Variants in PCNX3 observed in about 807,000 individuals in gnomAD.
PCNX3 encodes pecanex 3.
In PCNX3, 58 loss-of-function variants were observed where a neutral mutation model predicts 207.2. That is an observed-to-expected ratio of 0.28 (90% confidence interval 0.23 to 0.35). The LOEUF (loss-of-function observed/expected upper bound fraction) is 0.35. Among genes scored for constraint, PCNX3 ranks in the 10% least tolerant of loss-of-function variants. The pLI is 1.00. For synonymous variants in PCNX3, 1,337 were observed against 1,183.5 expected (o/e 1.13, Z -2.66); for missense variants, 2,410 against 2,774.4 (o/e 0.87, Z 2.95).
chr11:65,622,894 G>A (rs1331246344), intron 11 of PCNX3, among the ~76,000 whole-genome samples: 3 of 152,088 alleles, frequency 2.0e-5, no homozygotes, highest in Non-Finnish European at 4.4e-5. Flanking sequence ...GAGCTACCGC[G>A]CCCGGCCATC....
intron 22 of PCNX3, among the ~76,000 whole-genome samples, chr11:65,628,047 A>G (rs1281574168): frequency 6.6e-6 from 1 of 152,110 alleles, no homozygotes; most frequent in African/African-American, 2.4e-5. Flanking sequence ...TGAACTAAGG[A>G]ACCATGCTCC....
intron 5 of PCNX3, 67 bp downstream of exon 5, chr11:65,617,773 A>G: frequency 6.5e-7 from 1 of 1,527,230 alleles, no homozygotes; most frequent in Admixed American, 2.0e-5. Flanking sequence ...AATCCCCTCA[A>G]CTTTGGCTCC....
intron 20 of PCNX3, chr11:65,626,565 G>A (rs1855401753): frequency 2.3e-6 from 1 of 440,418 alleles, no homozygotes; most frequent in Non-Finnish European, 4.2e-6. Flanking sequence ...CTGAACCGAG[G>A]GGTCTGCCCT....
Position 65,629,699 on chromosome 11 carries a change from C to T in PCNX3, c.4180C>T (p.Leu1394Phe), listed in dbSNP as rs376857885. 6.6e-5 allele frequency: 102 copies of T among 1,556,370 alleles called. No individual in the cohort carries two copies. Among genetic ancestry groups the T allele is most frequent in the Non-Finnish European group, 8.9e-5 (102 of 1,150,420 alleles). Residue 1394 changes from leucine (L) to phenylalanine (F), a missense_variant, in exon 26 of 35, where the codon CTC (leucine) becomes TTC (phenylalanine). Coordinates refer to ENST00000355703, the MANE Select transcript of PCNX3 (RefSeq NM_032223.4). ...GCACCTCATCGAGGTTGGCAATGGC[C>T]TCGTCACCTTCCAGCTGCGTGGCCT... ...LVHLIEVGNG[L>F]VTFQLRGLEF...
At chr11:65,633,882 C>T (rs903840318) in intron 27 of PCNX3, among the ~76,000 whole-genome samples, 10 of 152,254 alleles carry the variant, frequency 6.6e-5, no homozygotes, top group Non-Finnish European at 1.2e-4. Context: ...TGAGTGCTAG[C>T]CCCAGCACAG....
In PCNX3 at chr11:65,623,520, G is replaced by A; in HGVS notation, c.2387G>A (p.Gly796Asp). 1 of 1,613,052 alleles carries A rather than the reference G, an allele frequency of 6.2e-7. No individual in the cohort carries two copies. Among genetic ancestry groups the A allele is most frequent in the Non-Finnish European group, 8.5e-7 (1 of 1,179,314 alleles). The change falls in exon 12 of 35, where the codon GGC becomes GAC. Residue 796 changes from glycine (G) to aspartate (D), a missense_variant. By Grantham distance (94) the Gly-to-Asp change is moderately conservative. Around this residue, in one of 8 missense-constraint regions of PCNX3, gnomAD observed 177 missense variants for 257.5 expected, o/e 0.69. Transcript: ENST00000355703. ...RTRGVLENIF[G>D]VGLSSLVAFL... ...CGGGGAGTGCTGGAGAACATCTTCG[G>A]CGTGGGCCTGAGCAGCCTTGTGGCC...
chr11:65,617,384 C>G (rs764397155), intron 3 of PCNX3, 35 bp downstream of exon 3: 4 of 1,613,226 alleles, frequency 2.5e-6, no homozygotes, highest in Non-Finnish European at 2.5e-6. Context: ...GTCCTCCTGT[C>G]CCTCTGCGAG....
chr11:65,634,856 CA>C (rs1407907769), intron 29 of PCNX3, 116 bp from the exon 30 acceptor site: 1 of 1,395,368 alleles, frequency 7.2e-7, no homozygotes, highest in African/African-American at 1.4e-5. Context: ...GCCTCTTTGT[CA>C]AGATGGGGAA....
rs375915222 is a variant in PCNX3, at chr11:65,628,723, G to A, written c.3811+20G>A. On this transcript the variant is annotated intron_variant, in intron 23 of 34. Transcript: ENST00000355703. ...TGCCACGTATCCAGCCTGTGTTTGG[G>A]TGGGGGTGTGCAGGGAGGGCTGTGG... 1.2e-6 allele frequency: 2 copies of A among 1,611,134 alleles called. No homozygotes were observed. Among genetic ancestry groups the A allele is most frequent in the Non-Finnish European group, 1.7e-6 (2 of 1,179,548 alleles).
chr11:65,635,874 CAG>C lies in PCNX3; in HGVS notation c.5459+74_5459+75del. On this transcript the variant is annotated intron_variant, in intron 32 of 34. Transcript: ENST00000355703. The surrounding 1 kb of genome is among the most constrained non-coding windows in gnomAD (Gnocchi z 9.9). ...GGTGCAGTACGTCCCTCCTGGGTCT[CAG>C]AGGGAGGACGTGCTGGAGCCAGGGC... 5 of 1,503,334 alleles carry C rather than the reference CAG, an allele frequency of 3.3e-6. No homozygotes were observed. Among genetic ancestry groups the C allele is most frequent in the Non-Finnish European group, 4.4e-6 (5 of 1,123,864 alleles). 93.1% of individuals were successfully genotyped at this position (1,503,334 alleles called of 1,614,324 possible). A position where few individuals can be genotyped will look rare whatever the true frequency, so the allele number is the denominator to read the frequency against.
In PCNX3 at chr11:65,617,708, T is replaced by C. The variant is rs754244725; in HGVS notation, c.577+2T>C. The stretch of plus-strand genomic sequence containing the variant: ...AGCTCAGCTCGCAGGAGAAACTGAG[T>C]GCGTGGGCCTTATGGGGCCGAGGCT... On this transcript the variant is annotated splice_donor_variant, in intron 5 of 34. Coordinates refer to ENST00000355703, the MANE Select transcript of PCNX3 (RefSeq NM_032223.4). LOFTEE classifies it high-confidence loss of function. The C allele has an allele frequency of 1.2e-5, 18 of 1,559,120 alleles. No homozygotes were observed. The highest frequency in any genetic ancestry group is 1.5e-5 in the Non-Finnish European group (17 of 1,151,914).
In PCNX3 at chr11:65,628,858, T is replaced by C; in HGVS notation, c.3851T>C (p.Leu1284Pro). 6.2e-7 allele frequency: 1 copy of C among 1,612,606 alleles called. No individual in the cohort carries two copies. The highest frequency in any genetic ancestry group is 2.2e-5 in the East Asian group (1 of 44,882). Residue 1284 changes from leucine to proline, a missense_variant, in exon 24 of 35, where the codon CTC (leucine) becomes CCC (proline). Coordinates refer to ENST00000355703, the MANE Select transcript of PCNX3 (RefSeq NM_032223.4). ...MLFVQALLSG[L>P]FSTPLNPLLG... ...TTCGTCCAGGCCCTGCTCTCGGGGC[T>C]CTTCTCCACGCCTCTCAACCCACTG...
chr11:65,619,555 G>A lies in PCNX3; in HGVS notation c.1724G>A (p.Arg575Lys). The change falls in exon 7 of 35, where the codon AGG becomes AAG. Residue 575 changes from arginine to lysine, a missense_variant. This residue lies in a region of PCNX3 where 1,104 missense variants were observed against 970.3 expected (regional missense o/e 1.14). Transcript: ENST00000355703. ...TGGGCAGCGGCCGAGGAGACTGGCAGGCGGGACCGCTCAAGCAGTGTGAGG... is the reference window on the plus strand; with the variant it reads ...TGGGCAGCGGCCGAGGAGACTGGCAAGCGGGACCGCTCAAGCAGTGTGAGG... ...AVGGAAEETGRRDRSSSVRRT... is the reference protein window; with the variant it reads ...AVGGAAEETGKRDRSSSVRRT... 5 of 1,610,822 alleles carry A rather than the reference G, an allele frequency of 3.1e-6. No individual in the cohort carries two copies. Among genetic ancestry groups the A allele is most frequent in the Non-Finnish European group, 4.2e-6 (5 of 1,179,578 alleles).
intron 27 of PCNX3, among the ~76,000 whole-genome samples, chr11:65,631,141 T>A (rs1002150288): frequency 2.0e-5 from 3 of 152,148 alleles, no homozygotes; most frequent in African/African-American, 7.2e-5. Context: ...GAACCCAGGC[T>A]GGCCCTGAGC....
intron 23 of PCNX3, 21 bp from the exon 24 acceptor site, chr11:65,628,798 G>T: frequency 1.2e-6 from 2 of 1,609,600 alleles, no homozygotes. Flanking sequence ...GTTGCCCGCC[G>T]CCTCCTTGAC....
chr11:65,624,053 C>A, intron 13 of PCNX3, 92 bp downstream of exon 13: 2 of 1,580,662 alleles, frequency 1.3e-6, no homozygotes, highest in Non-Finnish European at 1.7e-6. Context: ...AGGGCTGGGG[C>A]TCCCTCACCA....
At position 65,618,211 on chromosome 11, in the gene PCNX3, C is replaced by G. The variant is rs538324944; in HGVS notation, c.849C>G (p.Asp283Glu). Reference sequence around the variant, plus strand: ...GGGCAGGTGGCTATCAGCCCCTTGACCGGCGGGGCTCAGGGGAGCCCACGC... The same window carrying G: ...GGGCAGGTGGCTATCAGCCCCTTGAGCGGCGGGGCTCAGGGGAGCCCACGC... The part of the protein sequence containing the change: ...RRGAGGYQPL[D>E]RRGSGEPTPQ... The change falls in exon 6 of 35, where the codon GAC becomes GAG. Residue 283 changes from aspartate to glutamate, a missense_variant. Physicochemically the swap from Asp to Glu is conservative, Grantham distance 45. Transcript: ENST00000355703. 19 of 1,602,828 alleles carry G rather than the reference C, an allele frequency of 1.2e-5. No homozygotes were observed. The South Asian group carries it at 1.8e-4, about 15-fold the overall frequency.
At chr11:65,628,565 CT>C (rs1291701991) in intron 22 of PCNX3, 29 bp from the exon 23 acceptor site, 6 of 1,604,564 alleles carry the variant, frequency 3.7e-6, no homozygotes, top group Non-Finnish European at 2.6e-6. Context: ...CCCTGCATGT[CT>C]TTTTTCTTCT....
intron 11 of PCNX3, among the ~76,000 whole-genome samples, chr11:65,623,151 C>A (rs754548387): frequency 1.3e-5 from 2 of 152,234 alleles, no homozygotes; most frequent in Non-Finnish European, 2.9e-5. Context: ...GTGTGCATAG[C>A]GTGGCACGCC....
Sources: gnomAD v4.1 joint callset for allele counts (sites outside exome capture counted in the v4.1 genomes callset) on GRCh38, gnomAD v4.1.1 for gene constraint, gnomAD v4.1.1 regional missense constraint, Gnocchi (gnomAD v3.1) non-coding constraint, MANE v1.5 for transcripts, NCBI Gene and HGNC (gene_info 2026-07-23, HGNC 2026-07-21) for gene names.